Variants in ASPH observed in about 807,000 individuals in gnomAD.
ASPH encodes aspartyl/asparaginyl beta-hydroxylase.
ASPH carries 100 observed loss-of-function variants against 118.4 expected under a neutral mutation model. The ratio of observed to expected loss-of-function variants is 0.84; its 90% CI spans 0.72 to 1.00. The LOEUF (loss-of-function observed/expected upper bound fraction) is 1.00, where lower values mean the gene tolerates loss of function less well. Ranked by LOEUF, ASPH falls within the 50% of genes least tolerant of loss-of-function variation. The probability of loss-of-function intolerance (pLI) is 0.00; values close to 1 mark genes in which losing one functional copy is unlikely to be tolerated. For synonymous variants in ASPH, 315 were observed against 325.6 expected (o/e 0.97, Z 0.35); for missense variants, 920 against 919.5 (o/e 1.00, Z -0.01).
In ASPH at chr8:61,579,084, C is replaced by T. The variant is rs1836450503; in HGVS notation, c.1063-2226G>A. The T allele has an allele frequency of 2.5e-6, 4 of 1,607,946 alleles. No individual in the cohort carries two copies. In the East Asian group the frequency reaches 8.9e-5, roughly 36 times the overall value. On this transcript the variant is annotated intron_variant, in intron 15 of 24. Coordinates refer to ENST00000379454, the MANE Select transcript of ASPH (RefSeq NM_004318.4). ...CATGTACCAGATCAAGTATGAGGAG[C>T]TGCAGAGTCTGGCTGGGAAGCACGG...
chr8:61,558,235 G>T (rs575784153), intron 18 of ASPH, among the ~76,000 whole-genome samples: 1 of 152,148 alleles, frequency 6.6e-6, no homozygotes, highest in Non-Finnish European at 1.5e-5. Flanking sequence ...GATGAGTGTG[G>T]GTGGGGCCAA....
rs1479570160 is a variant in ASPH, at chr8:61,567,323, A to C, written c.1150-5T>G. On this transcript the variant is annotated splice_region_variant and splice_polypyrimidine_tract_variant and intron_variant, in intron 16 of 24. Coordinates refer to ENST00000379454, the MANE Select transcript of ASPH (RefSeq NM_004318.4). ...CTCAGCCAAATCATCCTCACACTAG[A>C]AGAAGTCCCCAGACTGGATAAATGT... 6.2e-7 allele frequency: 1 copy of C among 1,612,552 alleles called. No homozygotes were observed. Among genetic ancestry groups the C allele is most frequent in the African/African-American group, 1.3e-5 (1 of 74,854 alleles).
chr8:61,578,540 C>T, intron 15 of ASPH: 1 of 1,538,492 alleles, frequency 6.5e-7, no homozygotes, highest in Non-Finnish European at 9.0e-7. Context: ...CCTTCACAGA[C>T]AAGGTACGGT....
chr8:61,544,965 C>G (rs1015486555), intron 21 of ASPH, among the ~76,000 whole-genome samples: 2 of 151,984 alleles, frequency 1.3e-5, no homozygotes, highest in African/African-American at 4.8e-5. Flanking sequence ...AGAAGGAAAA[C>G]AGAAAGAGGT....
At chr8:61,593,240 G>A (rs1450075712) in intron 14 of ASPH, among the ~76,000 whole-genome samples, 1 of 152,170 alleles carries the variant, frequency 6.6e-6, no homozygotes, top group Non-Finnish European at 1.5e-5. Context: ...AGAAAGAAAA[G>A]CTAATGTGTT....
chr8:61,632,465 TACTCTGTGAAGCAGTATTCAAAAATG>T (rs1485056238), intron 13 of ASPH, among the ~76,000 whole-genome samples: 1 of 152,172 alleles, frequency 6.6e-6, no homozygotes, highest in African/African-American at 2.4e-5. Flanking sequence ...ACAAACAGGG[TACTCTGTGAAGCAGTATTCAAAAATG>T]AAAAGGAAAC....
chr8:61,558,114 GATTTAGAAGTAGACAA>G (rs1263572979), intron 18 of ASPH, among the ~76,000 whole-genome samples: 1 of 152,210 alleles, frequency 6.6e-6, no homozygotes, highest in Non-Finnish European at 1.5e-5. Flanking sequence ...GAGGGAGACA[GATTTAGAAGTAGACAA>G]ATTTAGAAGT....
At chr8:61,638,987 A>G (rs1859199121) in intron 10 of ASPH, among the ~76,000 whole-genome samples, 1 of 152,182 alleles carries the variant, frequency 6.6e-6, no homozygotes, top group Non-Finnish European at 1.5e-5. Flanking sequence ...TTTTCCCAGC[A>G]TGGTTGTAAG....
chr8:61,545,433 C>G (rs1823479469), intron 21 of ASPH, among the ~76,000 whole-genome samples: 2 of 152,164 alleles, frequency 1.3e-5, no homozygotes, highest in African/African-American at 4.8e-5. Flanking sequence ...TACTAAGACA[C>G]TGACCAAAAC....
intron 1 of ASPH, among the ~76,000 whole-genome samples, chr8:61,687,141 T>A (rs1265703986): frequency 6.6e-6 from 1 of 151,904 alleles, no homozygotes; most frequent in Non-Finnish European, 1.5e-5. Flanking sequence ...AACAAAGTAA[T>A]AGTTTGAATT....
intron 3 of ASPH, among the ~76,000 whole-genome samples, chr8:61,672,984 G>A (rs368798134): frequency 2.6e-5 from 4 of 152,184 alleles, no homozygotes; most frequent in African/African-American, 9.7e-5. Flanking sequence ...ACCAAATTAA[G>A]AATAACTGGC....
At chr8:61,675,537 C>T in intron 3 of ASPH, 50 of 980,094 alleles carry the variant, frequency 5.1e-5, no homozygotes, top group Non-Finnish European at 5.9e-5. Flanking sequence ...TTTGTATGAA[C>T]CTATCTGACA....
At chr8:61,575,871 G>A (rs1417832074) in intron 16 of ASPH, among the ~76,000 whole-genome samples, 1 of 152,076 alleles carries the variant, frequency 6.6e-6, no homozygotes, top group Non-Finnish European at 1.5e-5. Flanking sequence ...ACCCCTATAG[G>A]CAAAAGGTAC....
At chr8:61,622,657 C>T (rs1851391675) in intron 13 of ASPH, among the ~76,000 whole-genome samples, 1 of 152,220 alleles carries the variant, frequency 6.6e-6, no homozygotes. Context: ...GCCTAACCAT[C>T]TTCCTGCCTG....
At chr8:61,712,844 G>A (rs1838371023) in intron 1 of ASPH, among the ~76,000 whole-genome samples, 1 of 152,182 alleles carries the variant, frequency 6.6e-6, no homozygotes, top group Admixed American at 6.5e-5. Context: ...ATGGAACGAA[G>A]ACATGCTTCT....
rs1804731392 is a variant in ASPH at position 61,500,789 on chromosome 8, T to A, written c.*2570A>T. ...TGGTGCTCAAAGTCAAACAAAAATA[T>A]TTTAGTTAATAATGGGCAGTAAAAT... On this transcript the variant is annotated 3_prime_UTR_variant, in exon 25 of 25. Transcript: ENST00000379454. 6.6e-6 allele frequency: 1 copy of A among 152,204 alleles called. No individual in the cohort carries two copies. Among genetic ancestry groups the A allele is most frequent in the African/African-American group, 2.4e-5 (1 of 41,450 alleles). The allele number at this position is 152,204 out of a possible 1,614,324, so 9.4% of individuals were successfully genotyped here.
At chr8:61,625,715 G>A in intron 13 of ASPH, 2 of 985,252 alleles carry the variant, frequency 2.0e-6, no homozygotes, top group Non-Finnish European at 2.4e-6. Context: ...TAAAGCTAAT[G>A]TAGAAATTTT....
intron 3 of ASPH, among the ~76,000 whole-genome samples, chr8:61,679,154 T>C (rs1303490935): frequency 6.6e-6 from 1 of 152,178 alleles, no homozygotes; most frequent in African/African-American, 2.4e-5. Flanking sequence ...GTTTCATCTG[T>C]ACTGAAGCCA....
At chr8:61,539,517 C>G (rs1820912288) in intron 21 of ASPH, among the ~76,000 whole-genome samples, 1 of 152,072 alleles carries the variant, frequency 6.6e-6, no homozygotes, top group African/African-American at 2.4e-5. Flanking sequence ...GGTTATACTT[C>G]CAGGATCTTG....
Sources: gnomAD v4.1 joint callset for allele counts (sites outside exome capture counted in the v4.1 genomes callset) on GRCh38, gnomAD v4.1.1 for gene constraint, MANE v1.5 for transcripts, NCBI Gene and HGNC (gene_info 2026-07-23, HGNC 2026-07-21) for gene names.